The following HDAC9 variants were observed in gnomAD, a reference collection of about 807,000 sequenced individuals.
HDAC9 encodes histone deacetylase 9, also known as MEF-2 interacting transcription repressor (MITR) protein.
A neutral mutation model predicts 139.4 loss-of-function variants in HDAC9; 41 were observed. That is an observed-to-expected ratio of 0.29 (90% CI 0.23 to 0.38). The LOEUF (loss-of-function observed/expected upper bound fraction) is 0.38. Ranked by LOEUF, HDAC9 falls within the 10% of genes least tolerant of loss-of-function variation. The pLI is 1.00. For missense variants in HDAC9, 1,147 were observed against 1,297.0 expected, an observed-to-expected ratio of 0.88 and a Z score of 1.78; for synonymous variants, 517 against 476.2, an observed-to-expected ratio of 1.09 and a Z score of -1.12.
At chr7:18,264,218 A>AT (rs1191908109) in intron 2 of HDAC9, among the ~76,000 whole-genome samples, 3 of 152,236 alleles carry the variant, frequency 2.0e-5, no homozygotes, top group African/African-American at 7.2e-5. Flanking sequence ...AGTGGAATAC[A>AT]TATTCTTCTC....
intron 2 of HDAC9, among the ~76,000 whole-genome samples, chr7:18,272,854 CAA>C (rs1796440254): frequency 2.0e-5 from 3 of 151,476 alleles, no homozygotes; most frequent in African/African-American, 7.3e-5. Flanking sequence ...AAAGAAAAGA[CAA>C]ATTTGAGGAG....
At chr7:18,464,034 T>C (rs1794067988) in intron 1 of HDAC9, among the ~76,000 whole-genome samples, 1 of 152,020 alleles carries the variant, frequency 6.6e-6, no homozygotes, top group South Asian at 2.1e-4. Flanking sequence ...TGGCATTTAC[T>C]GAGGGAAATA....
chr7:18,667,550 T>C (rs1458735449), intron 12 of HDAC9: 5 of 985,178 alleles, frequency 5.1e-6, no homozygotes, highest in African/African-American at 3.5e-5. Flanking sequence ...TACAAACAAC[T>C]TTGAAGGCAA....
At chr7:18,707,326 A>C (rs140409458) in intron 12 of HDAC9, among the ~76,000 whole-genome samples, 1 of 152,242 alleles carries the variant, frequency 6.6e-6, no homozygotes, top group Admixed American at 6.5e-5. Context: ...AGGAAGTCTT[A>C]GAAGTGATGG....
intron 2 of HDAC9, among the ~76,000 whole-genome samples, chr7:18,272,364 G>A (rs576916962): frequency 1.3e-5 from 2 of 152,108 alleles, no homozygotes; most frequent in African/African-American, 2.4e-5. Context: ...CATATATAGT[G>A]TGTTGCAGCA....
intron 22 of HDAC9, among the ~76,000 whole-genome samples, chr7:18,891,620 A>C (rs1420915470): frequency 1.3e-5 from 2 of 152,162 alleles, no homozygotes; most frequent in Non-Finnish European, 2.9e-5. Context: ...TAGTCTTTCC[A>C]GGGTGCTTGG....
chr7:18,189,200 G>A (rs1156508448), intron 2 of HDAC9, among the ~76,000 whole-genome samples: 24 of 152,118 alleles, frequency 1.6e-4, no homozygotes, highest in Admixed American at 1.2e-3. Flanking sequence ...GCAGGGACAC[G>A]GATGAAGCTG....
At chr7:18,463,232 A>G (rs1282829060) in intron 1 of HDAC9, among the ~76,000 whole-genome samples, 1 of 151,952 alleles carries the variant, frequency 6.6e-6, no homozygotes, top group Admixed American at 6.6e-5. Flanking sequence ...AAATTCTCTT[A>G]TTAGAGTTGG....
At chr7:18,468,280 G>T (rs1430442833) in intron 1 of HDAC9, among the ~76,000 whole-genome samples, 1 of 152,136 alleles carries the variant, frequency 6.6e-6, no homozygotes, top group Non-Finnish European at 1.5e-5. Flanking sequence ...GAATTCTTCT[G>T]TATGGGAGAT....
intron 1 of HDAC9, among the ~76,000 whole-genome samples, chr7:18,291,491 T>C (rs1797805465): frequency 6.6e-6 from 1 of 151,922 alleles, no homozygotes; most frequent in Non-Finnish European, 1.5e-5. Flanking sequence ...ACTCAGAAAA[T>C]TGCTGGGAAC....
chr7:18,496,101 G>A (rs1331061798), intron 1 of HDAC9, 78 bp downstream of exon 1: 2 of 1,407,288 alleles, frequency 1.4e-6, no homozygotes, highest in South Asian at 1.4e-5. Context: ...CATTGTCGAA[G>A]TTGATCCTCT....
intron 24 of HDAC9, among the ~76,000 whole-genome samples, chr7:18,970,171 G>T (rs973262115): frequency 6.6e-6 from 1 of 152,090 alleles, no homozygotes; most frequent in South Asian, 2.1e-4. Flanking sequence ...TTTAGACCCC[G>T]TTGAAACAAA....
chr7:18,843,130 A>G (rs1796692881), intron 21 of HDAC9, among the ~76,000 whole-genome samples: 1 of 152,166 alleles, frequency 6.6e-6, no homozygotes, highest in Non-Finnish European at 1.5e-5. Flanking sequence ...TTTTCCAAAT[A>G]ATGGGGACTA....
chr7:18,706,796 G>C (rs1033000534), intron 12 of HDAC9, among the ~76,000 whole-genome samples: 1 of 152,206 alleles, frequency 6.6e-6, no homozygotes, highest in Non-Finnish European at 1.5e-5. Flanking sequence ...CAAGAGTGCT[G>C]AGTTTCAGAA....
At chr7:18,945,466 A>G (rs2129317792) in intron 23 of HDAC9, among the ~76,000 whole-genome samples, 1 of 152,280 alleles carries the variant, frequency 6.6e-6, no homozygotes. Flanking sequence ...GTGACCTTTG[A>G]TAATTGAAAG....
intron 2 of HDAC9, among the ~76,000 whole-genome samples, chr7:18,174,359 T>C (rs2128135811): frequency 6.6e-6 from 1 of 152,284 alleles, no homozygotes; most frequent in African/African-American, 2.4e-5. Flanking sequence ...CTAATCTTTT[T>C]TCATGGTTTT....
intron 25 of HDAC9, among the ~76,000 whole-genome samples, chr7:18,977,919 G>GACAGACAGAC (rs1422767293): frequency 4.0e-4 from 57 of 141,036 alleles, no homozygotes; most frequent in African/African-American, 1.4e-3. Context: ...CAGACAGACA[G>GACAGACAGAC]ACACACACAC....
At chr7:18,975,659 T>A in intron 24 of HDAC9, 147 bp from the exon 25 acceptor site, 1 of 724,552 alleles carries the variant, frequency 1.4e-6, no homozygotes, top group South Asian at 1.9e-5. Flanking sequence ...AAAGACCCAA[T>A]CATAACAGTT....
intron 1 of HDAC9, among the ~76,000 whole-genome samples, chr7:18,310,873 C>T (rs1378660034): frequency 2.0e-5 from 3 of 151,374 alleles, no homozygotes; most frequent in African/African-American, 2.4e-5. Context: ...TGCTGAGGGC[C>T]GCTAAATTCA....
Sources: gnomAD v4.1 joint callset for allele counts (sites outside exome capture counted in the v4.1 genomes callset) on GRCh38, gnomAD v4.1.1 for gene constraint, MANE v1.5 for transcripts, NCBI Gene and HGNC (gene_info 2026-07-23, HGNC 2026-07-21) for gene names.